AKAP6: variants seen among roughly 807,000 people sequenced by gnomAD.
AKAP6 encodes the protein A-kinase anchor protein 6.
A neutral mutation model predicts 188.5 loss-of-function variants in AKAP6; 58 were observed. The ratio of observed to expected loss-of-function variants is 0.31; its 90% CI spans 0.25 to 0.38. AKAP6 has a LOEUF of 0.38. Ranked by LOEUF, AKAP6 falls within the 10% of genes least tolerant of loss-of-function variation. The pLI, the probability that AKAP6 is intolerant of heterozygous loss-of-function variation, is 1.00. For missense variants in AKAP6, 2,710 were observed against 2,740.0 expected, an observed-to-expected ratio of 0.99 and a Z score of 0.24; for synonymous variants, 989 against 998.6, an observed-to-expected ratio of 0.99 and a Z score of 0.18.
At chr14:32,373,067 T>C (rs1888059467) in intron 1 of AKAP6, among the ~76,000 whole-genome samples, 1 of 151,586 alleles carries the variant, frequency 6.6e-6, no homozygotes, top group Admixed American at 6.6e-5. Flanking sequence ...CTTTATAATA[T>C]AAATTTCATT....
chr14:32,514,652 T>C (rs1483395123), intron 2 of AKAP6, among the ~76,000 whole-genome samples: 1 of 152,188 alleles, frequency 6.6e-6, no homozygotes, highest in Admixed American at 6.5e-5. Context: ...TTACATCAGA[T>C]AAAACAAATC....
intron 11 of AKAP6, among the ~76,000 whole-genome samples, chr14:32,771,584 C>T (rs2032899338): frequency 6.6e-6 from 1 of 152,086 alleles, no homozygotes; most frequent in Non-Finnish European, 1.5e-5. Flanking sequence ...TGTTTCAGAA[C>T]TTTGAAAATG....
chr14:32,414,203 A>G (rs1651533304), intron 1 of AKAP6, among the ~76,000 whole-genome samples: 1 of 152,150 alleles, frequency 6.6e-6, no homozygotes, highest in Non-Finnish European at 1.5e-5. Context: ...CATAAGGTCT[A>G]GAATCACACT....
intron 2 of AKAP6, among the ~76,000 whole-genome samples, chr14:32,534,677 G>A (rs1351579428): frequency 1.3e-5 from 2 of 152,056 alleles, no homozygotes; most frequent in Non-Finnish European, 2.9e-5. Context: ...TATCCACTGT[G>A]AATTTAGGCT....
chr14:32,600,787 C>A lies in AKAP6; in HGVS notation c.2725C>A (p.Pro909Thr), dbSNP rs764238783. The A allele has an allele frequency of 1.9e-5, 31 of 1,604,150 alleles. 1 individual carries two copies. Among genetic ancestry groups the A allele is most frequent in the Non-Finnish European group, 2.5e-5 (29 of 1,175,458 alleles). Residue 909 changes from proline (P) to threonine (T), a missense_variant, in exon 7 of 14, where the codon CCC (proline) becomes ACC (threonine). By Grantham distance (38) the Pro-to-Thr change is conservative. Transcript: ENST00000280979. ...SVEDEEGTGS[P>T]KAEVQLCYLE... ...GGAGGATGAGGAAGGGACTGGAAGC[C>A]CCAAGGTAAGTGGCTTGAAGTTTGC...
chr14:32,738,932 T>G (rs1382644433), intron 11 of AKAP6, among the ~76,000 whole-genome samples: 1 of 152,240 alleles, frequency 6.6e-6, no homozygotes, highest in Middle Eastern at 3.4e-3. Flanking sequence ...CTTACAAAAG[T>G]AGGGCAGTGG....
At chr14:32,810,288 T>C (rs1452118761) in intron 12 of AKAP6, among the ~76,000 whole-genome samples, 2 of 152,236 alleles carry the variant, frequency 1.3e-5, no homozygotes, top group East Asian at 3.9e-4. Flanking sequence ...TGAATTCACA[T>C]TTTGAAATCC....
chr14:32,707,746 T>A (rs567355947), intron 9 of AKAP6, among the ~76,000 whole-genome samples: 1 of 152,224 alleles, frequency 6.6e-6, no homozygotes, highest in South Asian at 2.1e-4. Flanking sequence ...CATTACTTTT[T>A]CAACAAAACA....
chr14:32,834,334 C>A lies in AKAP6; in HGVS notation c.*4529C>A, dbSNP rs12883788. The A allele has an allele frequency of 6.6e-6, 1 of 151,410 alleles. No homozygotes were observed. The highest frequency in any genetic ancestry group is 1.5e-5 in the Non-Finnish European group (1 of 67,860). The allele number at this position is 151,410 out of a possible 1,614,324, so 9.4% of individuals were successfully genotyped here. A position where few individuals can be genotyped will look rare whatever the true frequency, so the allele number is the denominator to read the frequency against. On this transcript the variant is annotated 3_prime_UTR_variant, in exon 14 of 14. Transcript: ENST00000280979. Reference sequence around the variant, plus strand: ...CCAGGAGGCAGAGGTTGCAGTGAGCCGAGATTGCACCACTGCACTCCAGCC... The same window carrying A: ...CCAGGAGGCAGAGGTTGCAGTGAGCAGAGATTGCACCACTGCACTCCAGCC...
chr14:32,448,412 G>A (rs915302234), intron 2 of AKAP6, among the ~76,000 whole-genome samples: 2 of 151,998 alleles, frequency 1.3e-5, no homozygotes, highest in Non-Finnish European at 2.9e-5. Context: ...GTAATAATTC[G>A]AGTGAGCTAC....
intron 1 of AKAP6, chr14:32,375,871 G>C (rs1003783866): frequency 1.3e-5 from 2 of 152,142 alleles, no homozygotes; most frequent in African/African-American, 4.8e-5. Context: ...CCAGGAGAGA[G>C]TAGTCAGCAG....
At chr14:32,738,646 A>C (rs911300961) in intron 11 of AKAP6, among the ~76,000 whole-genome samples, 5 of 152,162 alleles carry the variant, frequency 3.3e-5, no homozygotes, top group Admixed American at 1.3e-4. Context: ...AATGTGACTC[A>C]TTTGAATCCC....
chr14:32,391,802 T>C (rs1025721698), intron 1 of AKAP6, among the ~76,000 whole-genome samples: 2 of 152,210 alleles, frequency 1.3e-5, no homozygotes, highest in African/African-American at 4.8e-5. Flanking sequence ...CTATGTTTCT[T>C]GTACAGCCTG....
intron 12 of AKAP6, among the ~76,000 whole-genome samples, chr14:32,796,625 G>T (rs887705395): frequency 6.6e-6 from 1 of 152,114 alleles, no homozygotes; most frequent in Non-Finnish European, 1.5e-5. Context: ...ATCTACAAAG[G>T]TTAACTCAAC....
intron 2 of AKAP6, among the ~76,000 whole-genome samples, chr14:32,450,562 G>T (rs901860398): frequency 1.3e-5 from 2 of 152,088 alleles, no homozygotes; most frequent in Non-Finnish European, 2.9e-5. Flanking sequence ...TATTTTTATT[G>T]TGTATTAGTA....
At chr14:32,535,952 C>T in intron 3 of AKAP6, 147 bp downstream of exon 3, 1 of 1,219,388 alleles carries the variant, frequency 8.2e-7, no homozygotes, top group Non-Finnish European at 1.1e-6. Flanking sequence ...TGACTAGAAG[C>T]TAGGGCACTT....
At chr14:32,618,314 C>T (rs1281199536) in intron 7 of AKAP6, among the ~76,000 whole-genome samples, 5 of 152,082 alleles carry the variant, frequency 3.3e-5, no homozygotes, top group South Asian at 2.1e-4. Context: ...ACATTGTACC[C>T]AATATGTAGT....
chr14:32,773,770 T>C lies in AKAP6; in HGVS notation c.3465T>C (p.Asn1155=). The C allele has an allele frequency of 6.2e-7, 1 of 1,614,132 alleles. No individual in the cohort carries two copies. Among genetic ancestry groups the C allele is most frequent in the Non-Finnish European group, 8.5e-7 (1 of 1,179,998 alleles). ...QHLLDDRETC[N]LNADHQPMQL... is the part of the protein sequence containing the mutation. ...TTTTGGATGACCGGGAGACTTGCAA[T>C]CTGAATGCAGACCACCAGCCCATGC... The change falls in exon 12 of 14, where the codon AAT becomes AAC. Residue 1155 remains asparagine, a synonymous_variant. Coordinates refer to ENST00000280979, the MANE Select transcript of AKAP6 (RefSeq NM_004274.5).
chr14:32,462,900 G>GCAAAA (rs1891379027), intron 2 of AKAP6, among the ~76,000 whole-genome samples: 1 of 7,048 alleles, frequency 1.4e-4, no homozygotes, highest in Non-Finnish European at 2.4e-4. Flanking sequence ...CAAATGGAAA[G>GCAAAA]CAAAAAAAAA....
Sources: allele counts gnomAD v4.1 joint callset (sites outside exome capture counted in the v4.1 genomes callset), GRCh38; gene constraint gnomAD v4.1.1; transcripts MANE v1.5; gene names NCBI Gene and HGNC (gene_info 2026-07-23, HGNC 2026-07-21).